The following CCDC91 variants were observed in gnomAD, a reference collection of about 807,000 sequenced individuals.
CCDC91 encodes the protein coiled-coil domain containing 91, also known as coiled-coil domain-containing protein 91.
In CCDC91, 48 loss-of-function variants were observed where a neutral mutation model predicts 63.2. That is an observed-to-expected ratio of 0.76 (90% CI 0.60 to 0.97). The LOEUF (loss-of-function observed/expected upper bound fraction) is 0.97. Ranked by LOEUF, CCDC91 falls within the 50% of genes least tolerant of loss-of-function variation. The pLI is 0.00. For missense variants in CCDC91, 500 were observed against 494.6 expected, an observed-to-expected ratio of 1.01 and a Z score of -0.10; for synonymous variants, 167 against 165.8, an observed-to-expected ratio of 1.01 and a Z score of -0.06.
intron 1 of CCDC91, among the ~76,000 whole-genome samples, chr12:28,202,445 T>A (rs1018882488): frequency 6.6e-6 from 1 of 152,206 alleles, no homozygotes; most frequent in African/African-American, 2.4e-5. Context: ...GTTATTTGTT[T>A]GCATAGTGAC....
chr12:28,303,663 TAATAA>T (rs1422483447), intron 3 of CCDC91, among the ~76,000 whole-genome samples: 1 of 152,148 alleles, frequency 6.6e-6, no homozygotes, highest in African/African-American at 2.4e-5. Context: ...ATCTTTGAAA[TAATAA>T]AATATCAACA....
At chr12:28,401,364 C>T (rs1216645163) in intron 8 of CCDC91, among the ~76,000 whole-genome samples, 2 of 152,076 alleles carry the variant, frequency 1.3e-5, no homozygotes, top group East Asian at 3.9e-4. Context: ...ATGAGAACTC[C>T]CTATCACAAG....
chr12:28,456,158 C>T (rs1950048189), intron 11 of CCDC91, among the ~76,000 whole-genome samples: 1 of 152,104 alleles, frequency 6.6e-6, no homozygotes, highest in South Asian at 2.1e-4. Flanking sequence ...ATTGTCCATT[C>T]TGTAACATTT....
chr12:28,485,361 T>C (rs1251477448), intron 12 of CCDC91, among the ~76,000 whole-genome samples: 1 of 152,068 alleles, frequency 6.6e-6, no homozygotes, highest in East Asian at 1.9e-4. Flanking sequence ...AGATGGGGTT[T>C]CACCATGTTG....
intron 7 of CCDC91, 79 bp from the exon 8 acceptor site, chr12:28,391,225 C>A: frequency 1.3e-6 from 1 of 787,650 alleles, no homozygotes; most frequent in Non-Finnish European, 2.2e-6. Context: ...GTATGTACAA[C>A]TGTCAAAAAT....
chr12:28,346,033 G>A (rs1031050716), intron 6 of CCDC91, among the ~76,000 whole-genome samples: 3 of 148,704 alleles, frequency 2.0e-5, no homozygotes, highest in South Asian at 2.1e-4. Flanking sequence ...ATTTTTTTTT[G>A]GCTAATTTTT....
At chr12:28,203,643 A>C (rs7957382) in intron 1 of CCDC91, among the ~76,000 whole-genome samples, 39,695 of 152,146 alleles carry the variant, frequency 0.26, 5,453 homozygotes, top group Non-Finnish European at 0.31. Context: ...TCTGCAGTAT[A>C]GTTAGGAATT....
At chr12:28,408,211 ATTTATGGGTGAG>A (rs1947090586) in intron 8 of CCDC91, among the ~76,000 whole-genome samples, 1 of 151,820 alleles carries the variant, frequency 6.6e-6, no homozygotes, top group Non-Finnish European at 1.5e-5. Flanking sequence ...TTCAACTCCC[ATTTATGGGTGAG>A]AACATGTGGT....
intron 1 of CCDC91, among the ~76,000 whole-genome samples, chr12:28,197,071 G>A (rs1200694270): frequency 6.6e-6 from 1 of 152,004 alleles, no homozygotes; most frequent in Non-Finnish European, 1.5e-5. Context: ...ATTTTTCAAA[G>A]TAATTTATAA....
chr12:28,250,789 T>C (rs1946068304), intron 1 of CCDC91, among the ~76,000 whole-genome samples: 1 of 152,070 alleles, frequency 6.6e-6, no homozygotes, highest in Non-Finnish European at 1.5e-5. Flanking sequence ...AAAAAAAAGA[T>C]GAATAAAGAA....
chr12:28,462,669 C>T (rs1225862380), intron 11 of CCDC91, among the ~76,000 whole-genome samples: 6 of 151,996 alleles, frequency 3.9e-5, no homozygotes, highest in Non-Finnish European at 1.5e-5. Context: ...CAGATACTAT[C>T]GTAGTATTCT....
intron 6 of CCDC91, among the ~76,000 whole-genome samples, chr12:28,340,666 C>T (rs1942347267): frequency 6.6e-6 from 1 of 152,154 alleles, no homozygotes; most frequent in African/African-American, 2.4e-5. Flanking sequence ...GCTACTTATA[C>T]CTGTAAGGGA....
At chr12:28,317,624 G>T (rs1940034726) in intron 6 of CCDC91, among the ~76,000 whole-genome samples, 1 of 151,826 alleles carries the variant, frequency 6.6e-6, no homozygotes, top group Non-Finnish European at 1.5e-5. Context: ...ATAGAAAATT[G>T]ATCATACATT....
At chr12:28,530,773 A>G (rs1941664672) in intron 12 of CCDC91, among the ~76,000 whole-genome samples, 1 of 152,152 alleles carries the variant, frequency 6.6e-6, no homozygotes, top group Admixed American at 6.6e-5. Context: ...AAAAACTGCT[A>G]AATAAAGCAG....
intron 1 of CCDC91, 176 bp downstream of exon 1, chr12:28,190,817 T>G (rs1202471675): frequency 1.3e-5 from 2 of 152,176 alleles, no homozygotes; most frequent in African/African-American, 4.8e-5. Flanking sequence ...GTGACCAACC[T>G]CCTGCGGGAA....
At chr12:28,447,165 C>G (rs1230835655) in intron 8 of CCDC91, among the ~76,000 whole-genome samples, 1 of 151,744 alleles carries the variant, frequency 6.6e-6, no homozygotes. Context: ...AAGATGCATG[C>G]ATAAAAATAA....
intron 8 of CCDC91, among the ~76,000 whole-genome samples, chr12:28,445,608 G>A (rs1218041567): frequency 6.6e-6 from 1 of 152,200 alleles, no homozygotes; most frequent in African/African-American, 2.4e-5. Context: ...TAGCAGTTGT[G>A]TTCTCAAGTC....
chr12:28,441,400 G>A (rs1414497227), intron 8 of CCDC91, among the ~76,000 whole-genome samples: 1 of 151,976 alleles, frequency 6.6e-6, no homozygotes, highest in African/African-American at 2.4e-5. Context: ...AAGAATGTCT[G>A]TGATTCCTTT....
intron 1 of CCDC91, among the ~76,000 whole-genome samples, chr12:28,251,107 T>C (rs1592108140): frequency 2.0e-5 from 3 of 152,144 alleles, no homozygotes; most frequent in South Asian, 2.1e-4. Flanking sequence ...GGAAAAGTAT[T>C]ATTGCGACTG....
Sources: allele counts gnomAD v4.1 joint callset (sites outside exome capture counted in the v4.1 genomes callset), GRCh38; gene constraint gnomAD v4.1.1; transcripts MANE v1.5; gene names NCBI Gene and HGNC (gene_info 2026-07-23, HGNC 2026-07-21).